EPM2A: variants seen among roughly 807,000 people sequenced by gnomAD.
EPM2A encodes laforin.
EPM2A carries 21 observed loss-of-function variants against 26.5 expected under a neutral mutation model. That is an observed-to-expected ratio of 0.79 (90% CI 0.56 to 1.14). EPM2A has a LOEUF of 1.14. Among genes scored for constraint, EPM2A ranks in the 50% most tolerant of loss-of-function variants. The pLI, the probability that EPM2A is intolerant of heterozygous loss-of-function variation, is 0.00. For missense variants in EPM2A, 458 were observed against 440.8 expected (o/e 1.04, Z -0.35); for synonymous variants, 217 against 177.6 (o/e 1.22, Z -1.76).
At chr6:145,691,772 A>G (rs1482835559) in intron 1 of EPM2A, among the ~76,000 whole-genome samples, 2 of 152,068 alleles carry the variant, frequency 1.3e-5, no homozygotes, top group African/African-American at 4.8e-5. Flanking sequence ...GTAAATCAAA[A>G]CAGAATTCTA....
chr6:145,694,129 T>G (rs974759798), intron 1 of EPM2A, among the ~76,000 whole-genome samples: 1 of 151,974 alleles, frequency 6.6e-6, no homozygotes, highest in Admixed American at 6.6e-5. Context: ...CAATTATTAT[T>G]CATATTATTT....
At chr6:145,428,111 T>C (rs1441879172) in intron 4 of EPM2A, among the ~76,000 whole-genome samples, 1 of 150,042 alleles carries the variant, frequency 6.7e-6, no homozygotes, top group Admixed American at 6.7e-5. Context: ...GTTGCTGCTG[T>C]TCAATTTTAT....
chr6:145,715,092 T>C (rs1253104611), intron 1 of EPM2A, among the ~76,000 whole-genome samples: 2 of 151,466 alleles, frequency 1.3e-5, no homozygotes, highest in Non-Finnish European at 2.9e-5. Flanking sequence ...TTTGGTAGCA[T>C]ATTATTTGTT....
At chr6:145,636,610 C>T (rs1286896732) in intron 2 of EPM2A, 1 of 151,942 alleles carries the variant, frequency 6.6e-6, no homozygotes, top group South Asian at 2.1e-4. Flanking sequence ...TTGACAACAA[C>T]AGCCAAAAGG....
intron 4 of EPM2A, among the ~76,000 whole-genome samples, chr6:145,425,081 A>G (rs1004236525): frequency 4.7e-5 from 7 of 148,124 alleles, no homozygotes; most frequent in African/African-American, 1.7e-4. Flanking sequence ...TTTCTCATAC[A>G]TAAAATTTCA....
At chr6:145,386,253 TTAAACAA>T (rs1395338900) in intron 4 of EPM2A, among the ~76,000 whole-genome samples, 3 of 152,156 alleles carry the variant, frequency 2.0e-5, no homozygotes, top group Non-Finnish European at 4.4e-5. Context: ...GAAAGATATG[TTAAACAA>T]ATAAGTCACT....
intron 1 of EPM2A, 91 bp downstream of exon 1, chr6:145,735,107 C>T (rs1776771208): frequency 1.1e-6 from 1 of 909,548 alleles, no homozygotes; most frequent in Non-Finnish European, 1.5e-6. Context: ...GCCGCCGGGG[C>T]CTGCGGGGCC....
chr6:145,411,596 A>C lies in EPM2A; in HGVS notation c.556-27499T>G, dbSNP rs192972312. On this transcript the variant is annotated intron_variant, in intron 4 of 4. Transcript: ENST00000638717. ...AAAAAATTAGAATGTAAAATTCTGC[A>C]CATTCCAAGCATTTTAAAATTATTT... Among the ~76,000 whole-genome samples, 310 of 152,312 alleles carry C rather than the reference A, an allele frequency of 2.0e-3. 1 individual carries two copies. Among genetic ancestry groups the C allele is most frequent in the Non-Finnish European group, 3.9e-3 (267 of 68,014 alleles).
At chr6:145,533,868 A>G (rs1780395671) in intron 2 of EPM2A, among the ~76,000 whole-genome samples, 2 of 152,074 alleles carry the variant, frequency 1.3e-5, no homozygotes, top group Non-Finnish European at 2.9e-5. Flanking sequence ...CTCTATCTCT[A>G]AAACATAAGA....
intron 2 of EPM2A, among the ~76,000 whole-genome samples, chr6:145,651,329 A>G (rs950990467): frequency 2.0e-5 from 3 of 152,236 alleles, no homozygotes; most frequent in Admixed American, 6.5e-5. Context: ...AGACTACAAT[A>G]TACTTCAAGT....
chr6:145,693,923 A>G (rs1281984609), intron 1 of EPM2A, among the ~76,000 whole-genome samples: 1 of 151,938 alleles, frequency 6.6e-6, no homozygotes, highest in Non-Finnish European at 1.5e-5. Context: ...GCTGTCTGGC[A>G]CTCCAATTAA....
At chr6:145,569,705 A>T (rs1780930086) in intron 2 of EPM2A, among the ~76,000 whole-genome samples, 2 of 152,164 alleles carry the variant, frequency 1.3e-5, no homozygotes, top group Non-Finnish European at 2.9e-5. Context: ...ATTATTTGAG[A>T]CTTTATGGTG....
At chr6:145,448,281 G>A (rs556162162) in intron 4 of EPM2A, among the ~76,000 whole-genome samples, 4 of 151,928 alleles carry the variant, frequency 2.6e-5, no homozygotes, top group East Asian at 1.9e-4. Context: ...CTCAATACTC[G>A]TGTCTTTAGC....
chr6:145,398,638 T>A (rs1176633963), intron 4 of EPM2A, among the ~76,000 whole-genome samples: 2 of 152,002 alleles, frequency 1.3e-5, no homozygotes, highest in African/African-American at 4.8e-5. Flanking sequence ...GGCGGGCAGA[T>A]CACTTGAAGT....
chr6:145,547,930 T>C (rs1780606826), intron 2 of EPM2A, among the ~76,000 whole-genome samples: 2 of 152,052 alleles, frequency 1.3e-5, no homozygotes, highest in South Asian at 2.1e-4. Flanking sequence ...TTAGAAGTAA[T>C]GAAAACACTT....
chr6:145,681,962 T>C (rs1780569743), intron 2 of EPM2A, among the ~76,000 whole-genome samples: 2 of 152,186 alleles, frequency 1.3e-5, no homozygotes, highest in African/African-American at 4.8e-5. Flanking sequence ...GCATCCTGGT[T>C]GGAGAAAATT....
intron 1 of EPM2A, among the ~76,000 whole-genome samples, chr6:145,699,950 A>G (rs897123482): frequency 6.6e-6 from 1 of 152,198 alleles, no homozygotes; most frequent in Non-Finnish European, 1.5e-5. Context: ...AATTAAACAC[A>G]ATAACAGAGC....
chr6:145,388,387 T>C (rs1778291339), intron 4 of EPM2A, among the ~76,000 whole-genome samples: 1 of 152,194 alleles, frequency 6.6e-6, no homozygotes, highest in East Asian at 1.9e-4. Flanking sequence ...CTGCTAGCTG[T>C]TTCTTGAAGT....
chr6:145,670,710 GAT>G (rs1426648823), intron 2 of EPM2A, among the ~76,000 whole-genome samples: 2 of 151,604 alleles, frequency 1.3e-5, no homozygotes, highest in African/African-American at 4.8e-5. Flanking sequence ...CTAATATAAT[GAT>G]ATATATGAGA....
Sources: gnomAD v4.1 joint callset for allele counts (sites outside exome capture counted in the v4.1 genomes callset) on GRCh38, gnomAD v4.1.1 for gene constraint, MANE v1.5 for transcripts, NCBI Gene and HGNC (gene_info 2026-07-23, HGNC 2026-07-21) for gene names.